CELSR1: variants seen among roughly 807,000 people sequenced by gnomAD.
CELSR1 encodes adhesion G protein-coupled receptor C1.
A neutral mutation model predicts 249.1 loss-of-function variants in CELSR1; 110 were observed. The ratio of observed to expected loss-of-function variants is 0.44; its 90% CI spans 0.38 to 0.52. The LOEUF (loss-of-function observed/expected upper bound fraction) is 0.52, where lower values mean the gene tolerates loss of function less well. CELSR1 is among the 20% of genes least tolerant of loss of function. The pLI is 0.00. For missense variants in CELSR1, 4,109 were observed against 4,296.4 expected (o/e 0.96, Z 1.22); for synonymous variants, 2,113 against 1,900.0 (o/e 1.11, Z -2.92).
At chr22:46,519,096 C>T (rs1447957717) in intron 1 of CELSR1, among the ~76,000 whole-genome samples, 2 of 151,976 alleles carry the variant, frequency 1.3e-5, no homozygotes, top group South Asian at 2.1e-4. Context: ...GTGCACGACC[C>T]GGAAAACATG....
Position 46,440,874 on chromosome 22 carries a change from C to T in CELSR1, c.4184-1463G>A, listed in dbSNP as rs2147477769. The stretch of plus-strand genomic sequence containing the variant: ...GGGTTGTTAAAAGACTGCCACAGGC[C>T]AGACGCAATGGCTCACACCTATCAT... On this transcript the variant is annotated intron_variant, in intron 2 of 34. Transcript: ENST00000674500. This position sits in a 1 kb window ranked among gnomAD's most constrained non-coding sequence, Gnocchi z 4.7. Among the ~76,000 whole-genome samples, 1 of 152,208 alleles carries T rather than the reference C, an allele frequency of 6.6e-6. No homozygotes were observed. The highest frequency in any genetic ancestry group is 1.5e-5 in the Non-Finnish European group (1 of 68,014).
rs1439966141 is a variant in CELSR1 at position 46,374,544 on chromosome 22, G to A, written c.7585-1487C>T. Among the ~76,000 whole-genome samples the A allele has an allele frequency of 1.3e-5, 2 of 152,158 alleles. No individual in the cohort carries two copies. Among genetic ancestry groups the A allele is most frequent in the Non-Finnish European group, 2.9e-5 (2 of 68,028 alleles). ...TCTGCCAAGCCCCTAGAACGCTGCC[G>A]GGTCGCCCTTTCCTTCTCCATGCTC... On this transcript the variant is annotated intron_variant, in intron 24 of 34. Coordinates refer to ENST00000674500, the MANE Select transcript of CELSR1 (RefSeq NM_001378328.1). The surrounding 1 kb of genome is among the most constrained non-coding windows in gnomAD (Gnocchi z 4.3).
chr22:46,511,521 C>T (rs765879774), intron 1 of CELSR1, among the ~76,000 whole-genome samples: 167 of 152,370 alleles, frequency 1.1e-3, no homozygotes, highest in South Asian at 4.3e-3. Context: ...CTTTGGCACG[C>T]TGTCGTTCAT....
intron 1 of CELSR1, among the ~76,000 whole-genome samples, chr22:46,525,371 C>T (rs1389523573): frequency 6.6e-6 from 1 of 151,822 alleles, no homozygotes; most frequent in Non-Finnish European, 1.5e-5. Flanking sequence ...ATCGCTTGAA[C>T]CCAGGGGACA....
intron 24 of CELSR1, among the ~76,000 whole-genome samples, chr22:46,375,460 G>C (rs1429455511): frequency 6.6e-6 from 1 of 151,874 alleles, no homozygotes; most frequent in African/African-American, 2.4e-5. Flanking sequence ...TTCAGTTCTG[G>C]GTCTCCACCC....
rs2079710677 is a variant in CELSR1, at chr22:46,439,301, G to C, written c.4294C>G (p.Pro1432Ala). The C allele has an allele frequency of 6.2e-7, 1 of 1,613,968 alleles. No individual in the cohort carries two copies. Among genetic ancestry groups the C allele is most frequent in the Admixed American group, 1.7e-5 (1 of 60,000 alleles). Residue 1432 changes from proline (P) to alanine (A), a missense_variant, in exon 3 of 35, where the codon CCT (proline) becomes GCT (alanine). Coordinates refer to ENST00000674500, the MANE Select transcript of CELSR1 (RefSeq NM_001378328.1). ...LIGGFHCVCP[P>A]GEYERPYCEV... is the part of the protein sequence containing the mutation. Reference sequence around the variant, plus strand: ...CAGTAGGGCCTCTCATACTCGCCAGGAGGACACACGCAGTGGAAGCCGCCG... The same window carrying C: ...CAGTAGGGCCTCTCATACTCGCCAGCAGGACACACGCAGTGGAAGCCGCCG...
At chr22:46,383,611 C>G (rs959689738) in intron 20 of CELSR1, among the ~76,000 whole-genome samples, 3 of 152,204 alleles carry the variant, frequency 2.0e-5, no homozygotes, top group Non-Finnish European at 4.4e-5. Context: ...ACTGCAGCCT[C>G]CATCTCCCGG....
Position 46,391,317 on chromosome 22 carries a change from G to A in CELSR1, c.6149-30C>T. ...GGTAGAGAAGAGAGAAGTCTGCTCA[G>A]CGGGGCACGCCACACCCACGACCAC... On this transcript the variant is annotated intron_variant, in intron 15 of 34. Coordinates refer to ENST00000674500, the MANE Select transcript of CELSR1 (RefSeq NM_001378328.1). This position sits in a 1 kb window ranked among gnomAD's most constrained non-coding sequence, Gnocchi z 4.3. The A allele has an allele frequency of 6.3e-7, 1 of 1,592,092 alleles. No homozygotes were observed. Among genetic ancestry groups the A allele is most frequent in the Non-Finnish European group, 8.6e-7 (1 of 1,161,810 alleles).
rs2079097814 is a variant in CELSR1, at chr22:46,391,944, C to T, written c.5965-128G>A. The T allele has an allele frequency of 1.0e-6, 1 of 971,178 alleles. No homozygotes were observed. Among genetic ancestry groups the T allele is most frequent in the Non-Finnish European group, 1.5e-6 (1 of 669,834 alleles). The allele number at this position is 971,178 out of a possible 1,614,324, so 60.2% of individuals were successfully genotyped here. Reference sequence around the variant, plus strand: ...GTGTTGGCCGCCAGCCATCCCACCCCTCATGGCTACCCTCTGCCCACATCC... The same window carrying T: ...GTGTTGGCCGCCAGCCATCCCACCCTTCATGGCTACCCTCTGCCCACATCC... On this transcript the variant is annotated intron_variant, in intron 14 of 34. Transcript: ENST00000674500. The surrounding 1 kb of genome is among the most constrained non-coding windows in gnomAD (Gnocchi z 4.3).
chr22:46,415,045 T>TTCCTACACAATGAGTCAC lies in CELSR1; in HGVS notation c.4612-3287_4612-3286insGTGACTCATTGTGTAGGA, dbSNP rs1244239050. Among the ~76,000 whole-genome samples, 3 of 152,266 alleles carry TTCCTACACAATGAGTCAC rather than the reference T, an allele frequency of 2.0e-5. No individual in the cohort carries two copies. The East Asian group carries it at 5.8e-4, about 29-fold the overall frequency. On this transcript the variant is annotated intron_variant, in intron 5 of 34. Transcript: ENST00000674500. ...AAAGGCCATGCACCGCGTGACTCCATTCCTACACAATGTCCAGGACAGGCA... is the reference window on the plus strand; with the variant it reads ...AAAGGCCATGCACCGCGTGACTCCATTCCTACACAATGAGTCACTCCTACACAATGTCCAGGACAGGCA...
chr22:46,419,435 G>C (rs1365171766), intron 5 of CELSR1, among the ~76,000 whole-genome samples: 1 of 152,088 alleles, frequency 6.6e-6, no homozygotes, highest in African/African-American at 2.4e-5. Flanking sequence ...CAATCCTAAT[G>C]CTACTCCCAG....
In CELSR1 at chr22:46,500,556, GC is replaced by G. The variant is rs907782011; in HGVS notation, c.3544+33070del. Among the ~76,000 whole-genome samples the G allele has an allele frequency of 3.9e-4, 59 of 152,282 alleles. No individual in the cohort carries two copies. The highest frequency in any genetic ancestry group is 6.0e-4 in the Non-Finnish European group (41 of 68,036). The stretch of plus-strand genomic sequence containing the variant: ...GGAGCTCTGGGAGCTTCCAAAGGGG[GC>G]GTCAATGACACCCATAACTTGTCAC... On this transcript the variant is annotated intron_variant, in intron 1 of 34. Coordinates refer to ENST00000674500, the MANE Select transcript of CELSR1 (RefSeq NM_001378328.1). The surrounding 1 kb of genome is among the most constrained non-coding windows in gnomAD (Gnocchi z 4.9).
chr22:46,401,141 G>C lies in CELSR1; in HGVS notation c.5227-1239C>G, dbSNP rs1283559811. Among the ~76,000 whole-genome samples, 1 of 151,976 alleles carries C rather than the reference G, an allele frequency of 6.6e-6. No homozygotes were observed. Among genetic ancestry groups the C allele is most frequent in the Non-Finnish European group, 1.5e-5 (1 of 68,006 alleles). On this transcript the variant is annotated intron_variant, in intron 9 of 34. Transcript: ENST00000674500. The surrounding 1 kb of genome is among the most constrained non-coding windows in gnomAD (Gnocchi z 4.7). The stretch of plus-strand genomic sequence containing the variant: ...CCAGCTCGATTCAGGTAACTACTGG[G>C]CTCCTATTTTTGGATGTAAACATTA...
At chr22:46,369,029 T>A in intron 27 of CELSR1, 150 bp downstream of exon 27, 1 of 618,522 alleles carries the variant, frequency 1.6e-6, no homozygotes, top group Non-Finnish European at 2.8e-6. Context: ...GTGGCAAACC[T>A]CTCTGGAGCC....
In CELSR1 at chr22:46,373,156, G is replaced by C. The variant is rs890227015; in HGVS notation, c.7585-99C>G. On this transcript the variant is annotated intron_variant, in intron 24 of 34. Transcript: ENST00000674500. ...GGGGGATGGGAGAGCTCACAATTCG[G>C]ACCACCCTATGTGTCTGTCCTCAGC... 41 of 1,280,662 alleles carry C rather than the reference G, an allele frequency of 3.2e-5. 1 individual carries two copies. The highest frequency in any genetic ancestry group is 4.3e-5 in the Non-Finnish European group (41 of 945,808). The allele number at this position is 1,280,662 out of a possible 1,614,324, so 79.3% of individuals were successfully genotyped here.
At position 46,410,254 on chromosome 22, in the gene CELSR1, C is replaced by G; in HGVS notation, c.4933+144G>C. ...TCCAGCCTGGACTCCGGGTTCCATC[C>G]CAGGAGCTGCCCACCGCTGGACACA... On this transcript the variant is annotated intron_variant, in intron 7 of 34. Transcript: ENST00000674500. The surrounding 1 kb of genome is among the most constrained non-coding windows in gnomAD (Gnocchi z 6.8). 1 of 1,041,934 alleles carries G rather than the reference C, an allele frequency of 9.6e-7. No homozygotes were observed. Among genetic ancestry groups the G allele is most frequent in the Non-Finnish European group, 1.4e-6 (1 of 720,718 alleles). 64.5% of individuals were successfully genotyped at this position (1,041,934 alleles called of 1,614,324 possible). A position where few individuals can be genotyped will look rare whatever the true frequency, so the allele number is the denominator to read the frequency against.
rs201638279 is a variant in CELSR1, at chr22:46,396,563, T to A, written c.5843+42A>T. 7 of 1,493,736 alleles carry A rather than the reference T, an allele frequency of 4.7e-6. No individual in the cohort carries two copies. Among genetic ancestry groups the A allele is most frequent in the Admixed American group, 4.8e-5 (2 of 42,008 alleles). 92.5% of individuals were successfully genotyped at this position (1,493,736 alleles called of 1,614,324 possible). A position where few individuals can be genotyped will look rare whatever the true frequency, so the allele number is the denominator to read the frequency against. On this transcript the variant is annotated intron_variant, in intron 13 of 34. Coordinates refer to ENST00000674500, the MANE Select transcript of CELSR1 (RefSeq NM_001378328.1). This position sits in a 1 kb window ranked among gnomAD's most constrained non-coding sequence, Gnocchi z 6.4. ...ACTGAGTCGAGGGAACACAGCCACA[T>A]GGACTCTGAAGGTGCAGGGAGGCAC...
chr22:46,535,678 A>AT lies in CELSR1; in HGVS notation c.1492dup (p.Ile498AsnfsTer38). On this transcript the variant is annotated frameshift_variant, in exon 1 of 35. Transcript: ENST00000674500. LOFTEE classifies it high-confidence loss of function. ...CTGGCCGGCCACGTTCCCGCTGAGG[A>AT]TGCTGTAGTGAATGGCCGCGTTCTG... is the stretch of plus-strand genomic sequence containing the variant. 6.2e-7 allele frequency: 1 copy of AT among 1,613,098 alleles called. No homozygotes were observed. Among genetic ancestry groups the AT allele is most frequent in the Non-Finnish European group, 8.5e-7 (1 of 1,180,016 alleles).
rs1182935058 is a variant in CELSR1, at chr22:46,536,972, C to A, written c.199G>T (p.Val67Leu). 8 of 1,138,104 alleles carry A rather than the reference C, an allele frequency of 7.0e-6. 1 individual carries two copies. Among genetic ancestry groups the A allele is most frequent in the East Asian group, 5.0e-5 (1 of 20,156 alleles). 70.5% of individuals were successfully genotyped at this position (1,138,104 alleles called of 1,614,324 possible). ...CCTGCCAGCCGCCCATCGCGGCCCA[C>A]GTCCAGCAGCTCCCGCGGCGCCCGG... Reference protein sequence around the residue: ...TPRAPRELLDVGRDGRLAGRR... With the variant: ...TPRAPRELLDLGRDGRLAGRR... The change falls in exon 1 of 35, where the codon GTG (valine) becomes TTG (leucine). Residue 67 changes from valine to leucine, a missense_variant. Coordinates refer to ENST00000674500, the MANE Select transcript of CELSR1 (RefSeq NM_001378328.1).
Sources: allele counts gnomAD v4.1 joint callset (sites outside exome capture counted in the v4.1 genomes callset), GRCh38; gene constraint gnomAD v4.1.1; non-coding constraint Gnocchi (gnomAD v3.1); transcripts MANE v1.5; gene names NCBI Gene and HGNC (gene_info 2026-07-23, HGNC 2026-07-21).